Variants in ENOX1 observed in about 807,000 individuals in gnomAD.
ENOX1 encodes ecto-NOX disulfide-thiol exchanger 1, also known as candidate growth-related and time keeping constitutive hydroquinone (NADH) oxidase.
ENOX1 carries 42 observed loss-of-function variants against 82.5 expected under a neutral mutation model. The observed-to-expected ratio is 0.51, with a 90% CI of 0.40 to 0.66. ENOX1 has a LOEUF of 0.66. Among genes scored for constraint, ENOX1 ranks in the 30% least tolerant of loss-of-function variants. ENOX1 has a pLI of 0.00. For synonymous variants in ENOX1, 271 were observed against 282.2 expected (o/e 0.96, Z 0.40); for missense variants, 608 against 811.6 (o/e 0.75, Z 3.05).
intron 3 of ENOX1, among the ~76,000 whole-genome samples, chr13:43,467,334 G>C (rs1347079360): frequency 6.6e-6 from 1 of 152,032 alleles, no homozygotes; most frequent in Non-Finnish European, 1.5e-5. Flanking sequence ...TATATTTACT[G>C]TCTAAAAATG....
At chr13:43,336,590 T>C (rs1209046782) in intron 9 of ENOX1, among the ~76,000 whole-genome samples, 1 of 152,212 alleles carries the variant, frequency 6.6e-6, no homozygotes, top group African/African-American at 2.4e-5. Context: ...CAGCAAGGTA[T>C]AGGCAGAACA....
At chr13:43,348,513 G>A (rs947083764) in intron 8 of ENOX1, among the ~76,000 whole-genome samples, 6 of 152,178 alleles carry the variant, frequency 3.9e-5, no homozygotes, top group South Asian at 2.1e-4. Flanking sequence ...ACTGCAGACC[G>A]AAAATAGTAA....
At chr13:43,229,109 G>A (rs1197086889) in intron 15 of ENOX1, among the ~76,000 whole-genome samples, 3 of 152,168 alleles carry the variant, frequency 2.0e-5, no homozygotes, top group Non-Finnish European at 4.4e-5. Context: ...GGTTTTATAA[G>A]GGGAAACTTC....
chr13:43,321,760 GC>G (rs764526124), intron 11 of ENOX1, among the ~76,000 whole-genome samples: 3 of 152,190 alleles, frequency 2.0e-5, no homozygotes. Flanking sequence ...TTTTGAATGA[GC>G]TTTTCCCTTG....
chr13:43,326,872 TACAG>T (rs1191812718), intron 9 of ENOX1, among the ~76,000 whole-genome samples: 2 of 152,210 alleles, frequency 1.3e-5, no homozygotes, highest in African/African-American at 2.4e-5. Context: ...CATCCAGATA[TACAG>T]ACAAAGTAAT....
At chr13:43,772,804 G>A (rs188142054) in intron 1 of ENOX1, among the ~76,000 whole-genome samples, 13 of 150,146 alleles carry the variant, frequency 8.7e-5, no homozygotes, top group African/African-American at 2.7e-4. Flanking sequence ...ATACTGAGTG[G>A]TTCTCAAACT....
At chr13:43,719,344 CA>C (rs1418613068) in intron 1 of ENOX1, among the ~76,000 whole-genome samples, 1 of 148,840 alleles carries the variant, frequency 6.7e-6, no homozygotes, top group East Asian at 2.0e-4. Context: ...CACACACACA[CA>C]CACCAGCAAT....
chr13:43,657,216 A>T (rs1255836816), intron 2 of ENOX1, among the ~76,000 whole-genome samples: 1 of 152,232 alleles, frequency 6.6e-6, no homozygotes, highest in Non-Finnish European at 1.5e-5. Flanking sequence ...TTTAAACATT[A>T]GTATGTATTT....
chr13:43,777,034 A>G (rs1242627788), intron 1 of ENOX1, among the ~76,000 whole-genome samples: 1 of 152,262 alleles, frequency 6.6e-6, no homozygotes, highest in East Asian at 1.9e-4. Flanking sequence ...AAGGAAGAGG[A>G]GTTCCAGTGA....
At chr13:43,287,263 C>T (rs760457862) in intron 12 of ENOX1, among the ~76,000 whole-genome samples, 1 of 152,176 alleles carries the variant, frequency 6.6e-6, no homozygotes. Flanking sequence ...GCACAGGCCA[C>T]CCTGTGTCAG....
intron 3 of ENOX1, among the ~76,000 whole-genome samples, chr13:43,438,569 T>C (rs149010602): frequency 7.2e-5 from 11 of 152,264 alleles, no homozygotes; most frequent in African/African-American, 2.6e-4. Context: ...AAAATGTAAG[T>C]TTTCCACAGA....
intron 3 of ENOX1, among the ~76,000 whole-genome samples, chr13:43,417,725 T>C (rs2054712333): frequency 6.6e-6 from 1 of 152,360 alleles, no homozygotes; most frequent in Admixed American, 6.5e-5. Context: ...TAATTATTAC[T>C]ATTTTATTTG....
chr13:43,286,753 G>C (rs2045722152), intron 12 of ENOX1, among the ~76,000 whole-genome samples: 1 of 152,164 alleles, frequency 6.6e-6, no homozygotes, highest in Non-Finnish European at 1.5e-5. Flanking sequence ...AGTGAATTCA[G>C]AGATTTATTT....
chr13:43,368,538 T>C (rs2051002515), intron 5 of ENOX1, among the ~76,000 whole-genome samples: 1 of 152,218 alleles, frequency 6.6e-6, no homozygotes, highest in African/African-American at 2.4e-5. Context: ...TCACAGGTTC[T>C]GTAAAATTCA....
chr13:43,598,586 C>A (rs899208266), intron 2 of ENOX1, among the ~76,000 whole-genome samples: 1 of 152,030 alleles, frequency 6.6e-6, no homozygotes, highest in African/African-American at 2.4e-5. Context: ...CCAGTGCCCT[C>A]CAGTCTCTGC....
intron 1 of ENOX1, among the ~76,000 whole-genome samples, chr13:43,677,398 T>A (rs1217454563): frequency 2.0e-5 from 3 of 152,158 alleles, no homozygotes; most frequent in African/African-American, 7.2e-5. Flanking sequence ...GGTGCCACTA[T>A]GAGACATCGT....
At chr13:43,327,868 T>C (rs1323413842) in intron 9 of ENOX1, among the ~76,000 whole-genome samples, 2 of 152,244 alleles carry the variant, frequency 1.3e-5, no homozygotes, top group African/African-American at 4.8e-5. Flanking sequence ...TCTATGCTGA[T>C]GAACAACTAC....
At chr13:43,657,519 G>C (rs372845279) in intron 2 of ENOX1, among the ~76,000 whole-genome samples, 2 of 152,162 alleles carry the variant, frequency 1.3e-5, no homozygotes, top group African/African-American at 4.8e-5. Context: ...TCTGCTGAGA[G>C]GCACTAGAAA....
chr13:43,338,977 G>GCC (rs2048904515), intron 9 of ENOX1, among the ~76,000 whole-genome samples: 1 of 152,280 alleles, frequency 6.6e-6, no homozygotes, highest in African/African-American at 2.4e-5. Flanking sequence ...GAGCCACCGT[G>GCC]CCCGGCCTCG....
Sources: allele counts gnomAD v4.1 joint callset (sites outside exome capture counted in the v4.1 genomes callset), GRCh38; gene constraint gnomAD v4.1.1; transcripts MANE v1.5; gene names NCBI Gene and HGNC (gene_info 2026-07-23, HGNC 2026-07-21).